SMAD3: variants seen among roughly 807,000 people sequenced by gnomAD.
SMAD3 encodes the protein SMAD family member 3, also known as MAD homolog 3.
A neutral mutation model predicts 51.8 loss-of-function variants in SMAD3; 12 were observed. The observed-to-expected ratio is 0.23, with a 90% confidence interval of 0.15 to 0.38. The LOEUF (loss-of-function observed/expected upper bound fraction) is 0.38, where lower values mean the gene tolerates loss of function less well. SMAD3 is among the 10% of genes least tolerant of loss of function. SMAD3 has a pLI of 1.00. For synonymous variants in SMAD3, 238 were observed against 227.7 expected, an observed-to-expected ratio of 1.05 and a Z score of -0.41; for missense variants, 294 against 565.6, an observed-to-expected ratio of 0.52 and a Z score of 4.87.
chr15:67,156,282 T>A (rs1051661734), intron 1 of SMAD3, among the ~76,000 whole-genome samples: 1 of 152,234 alleles, frequency 6.6e-6, no homozygotes, highest in African/African-American at 2.4e-5. Context: ...GGTTTGGTTT[T>A]TGAGTTATTA....
chr15:67,148,880 C>G (rs1441010849), intron 1 of SMAD3, among the ~76,000 whole-genome samples: 1 of 152,238 alleles, frequency 6.6e-6, no homozygotes, highest in Non-Finnish European at 1.5e-5. Flanking sequence ...ACCTGCAAGC[C>G]CCTCGCTCCA....
intron 1 of SMAD3, among the ~76,000 whole-genome samples, chr15:67,150,889 T>C (rs1310384259): frequency 7.7e-6 from 1 of 129,066 alleles, no homozygotes; most frequent in African/African-American, 2.9e-5. Context: ...GGAGTCTCTC[T>C]CTGTCGCCCA....
At chr15:67,186,789 C>G (rs1470276366) in intron 7 of SMAD3, 4 of 307,746 alleles carry the variant, frequency 1.3e-5, no homozygotes, top group Non-Finnish European at 2.6e-5. Flanking sequence ...CTAGCCCCAG[C>G]ACCAGGTGTA....
At chr15:67,156,950 A>T (rs931619784) in intron 1 of SMAD3, among the ~76,000 whole-genome samples, 14 of 152,232 alleles carry the variant, frequency 9.2e-5, no homozygotes, top group African/African-American at 3.1e-4. Context: ...GTCACGGGAC[A>T]AGAAAATACA....
At chr15:67,069,683 C>T (rs1478227794) in intron 1 of SMAD3, among the ~76,000 whole-genome samples, 5 of 152,054 alleles carry the variant, frequency 3.3e-5, no homozygotes, top group Non-Finnish European at 2.9e-5. Flanking sequence ...GTCTGACACA[C>T]AGCATCTACT....
intron 4 of SMAD3, among the ~76,000 whole-genome samples, chr15:67,169,198 G>A (rs942820319): frequency 6.6e-5 from 10 of 152,062 alleles, no homozygotes; most frequent in African/African-American, 1.9e-4. Flanking sequence ...CCAAACTCAC[G>A]TAGCTGATTC....
chr15:67,080,951 A>G (rs1028989308), intron 1 of SMAD3, among the ~76,000 whole-genome samples: 1 of 151,928 alleles, frequency 6.6e-6, no homozygotes, highest in Non-Finnish European at 1.5e-5. Flanking sequence ...AGTTCTCTCA[A>G]CTCTCCAACC....
chr15:67,113,226 A>G (rs1023092906), intron 1 of SMAD3, among the ~76,000 whole-genome samples: 1 of 119,096 alleles, frequency 8.4e-6, no homozygotes, highest in Non-Finnish European at 1.7e-5. Flanking sequence ...AGCTGGGACT[A>G]CAGGCGCCTG....
chr15:67,135,012 G>T (rs1248780985), intron 1 of SMAD3, among the ~76,000 whole-genome samples: 1 of 152,182 alleles, frequency 6.6e-6, no homozygotes, highest in Non-Finnish European at 1.5e-5. Context: ...TACCCAGGGG[G>T]TCCTGTGCTG....
At chr15:67,165,956 T>C (rs1439670839) in intron 3 of SMAD3, 1 of 162,792 alleles carries the variant, frequency 6.1e-6, no homozygotes, top group African/African-American at 2.4e-5. Flanking sequence ...TCACCAGCAC[T>C]TTCAGACTCC....
chr15:67,075,787 CGCCTGTAATTTCA>C (rs1353820508), intron 1 of SMAD3, among the ~76,000 whole-genome samples: 2 of 151,828 alleles, frequency 1.3e-5, no homozygotes, highest in Non-Finnish European at 2.9e-5. Flanking sequence ...TGGTAGCGGG[CGCCTGTAATTTCA>C]GCTACTCAGG....
intron 1 of SMAD3, among the ~76,000 whole-genome samples, chr15:67,097,371 A>G (rs1960636525): frequency 6.6e-6 from 1 of 151,900 alleles, no homozygotes; most frequent in Non-Finnish European, 1.5e-5. Context: ...ACACATCTCT[A>G]TGCTGGGCTA....
Position 67,066,372 on chromosome 15 carries a change from C to A in SMAD3, c.206+12C>A. ...ATCACCATCCCCAGGTGGGGGCCCG[C>A]CCGGGGGGGACCCGGGGTCACGCCG... On this transcript the variant is annotated intron_variant, in intron 1 of 8. Coordinates refer to ENST00000327367, the MANE Select transcript of SMAD3 (RefSeq NM_005902.4). The A allele has an allele frequency of 6.2e-7, 1 of 1,608,672 alleles. No individual in the cohort carries two copies. Among genetic ancestry groups the A allele is most frequent in the Non-Finnish European group, 8.5e-7 (1 of 1,177,126 alleles).
In SMAD3 at chr15:67,188,111, T is replaced by TTA. The variant is rs1265048383; in HGVS notation, c.1154+603_1154+604insAT. On this transcript the variant is annotated intron_variant, in intron 8 of 8. Coordinates refer to ENST00000327367, the MANE Select transcript of SMAD3 (RefSeq NM_005902.4). ...AAAATTTTCTCGCTGAGAAATGACT[T>TTA]TTTTAGAGTCCTACATACTGGTTTC... Among the ~76,000 whole-genome samples, 3 of 151,892 alleles carry TTA rather than the reference T, an allele frequency of 2.0e-5. No homozygotes were observed. In the South Asian group the frequency reaches 6.2e-4, roughly 32 times the overall value.
chr15:67,157,475 G>T (rs914302823), intron 1 of SMAD3, among the ~76,000 whole-genome samples: 1 of 152,230 alleles, frequency 6.6e-6, no homozygotes, highest in African/African-American at 2.4e-5. Context: ...AGCCTCCTGA[G>T]TTCTCTGAGC....
At chr15:67,128,189 G>C (rs959276223) in intron 1 of SMAD3, 33 of 152,230 alleles carry the variant, frequency 2.2e-4, no homozygotes, top group African/African-American at 7.7e-4. Flanking sequence ...TCCTTTGTTG[G>C]GGGTGGGGAT....
At chr15:67,093,340 C>G (rs1296749715) in intron 1 of SMAD3, among the ~76,000 whole-genome samples, 1 of 152,232 alleles carries the variant, frequency 6.6e-6, no homozygotes, top group Non-Finnish European at 1.5e-5. Flanking sequence ...CCTTCAGGAT[C>G]CACACCTCTG....
intron 7 of SMAD3, 115 bp downstream of exon 7, chr15:67,184,979 A>C: frequency 1.5e-6 from 2 of 1,343,936 alleles, no homozygotes; most frequent in Non-Finnish European, 1.1e-6. Flanking sequence ...TTGCGTTGTC[A>C]ATCTGGAGGT....
chr15:67,162,918 C>CT (rs1404782251), intron 1 of SMAD3, among the ~76,000 whole-genome samples: 3 of 151,350 alleles, frequency 2.0e-5, no homozygotes, highest in Non-Finnish European at 2.9e-5. Context: ...GTTCAGGACA[C>CT]TTTCATTGTG....
Sources: gnomAD v4.1 joint callset for allele counts (sites outside exome capture counted in the v4.1 genomes callset) on GRCh38, gnomAD v4.1.1 for gene constraint, MANE v1.5 for transcripts, NCBI Gene and HGNC (gene_info 2026-07-23, HGNC 2026-07-21) for gene names.